Variants in RYR1 observed in about 807,000 individuals in gnomAD.
The protein encoded by RYR1 is ryanodine receptor 1.
Under a neutral mutation model 583.5 loss-of-function variants are expected in RYR1, and 342 were observed. The ratio of observed to expected loss-of-function variants is 0.59; its 90% CI spans 0.54 to 0.64. RYR1 has a LOEUF of 0.64. Among genes scored for constraint, RYR1 ranks in the 30% least tolerant of loss-of-function variants. RYR1 has a pLI of 0.00. For synonymous variants in RYR1, 2,791 were observed against 2,822.5 expected, an observed-to-expected ratio of 0.99 and a Z score of 0.35; for missense variants, 6,032 against 6,917.2, an observed-to-expected ratio of 0.87 and a Z score of 4.54.
Position 38,565,371 on chromosome 19 carries a change from C to G in RYR1, c.13037C>G (p.Ala4346Gly). Residue 4346 changes from alanine to glycine, a missense_variant, in exon 91 of 106, where the codon GCT (alanine) becomes GGT (glycine). Physicochemically the swap from Ala to Gly is moderately conservative, Grantham distance 60. Around this residue, in one of 11 missense-constraint regions of RYR1, gnomAD observed 753 missense variants for 759.6 expected, o/e 0.99. Transcript: ENST00000359596. The surrounding 1 kb of genome is among the most constrained non-coding windows in gnomAD (Gnocchi z 4.7). The stretch of plus-strand genomic sequence containing the variant: ...GCAGCAGTGACGCGCGCTGGGGCCG[C>G]TGGCGCGGGGGCGGCGGCGGGCGCG... ...LWAAVTRAGAAGAGAAAGALG... is the reference protein window; with the variant it reads ...LWAAVTRAGAGGAGAAAGALG... 2.3e-6 allele frequency: 3 copies of G among 1,328,042 alleles called. No homozygotes were observed. The highest frequency in any genetic ancestry group is 2.9e-6 in the Non-Finnish European group (3 of 1,049,340). The allele number at this position is 1,328,042 out of a possible 1,614,324, so 82.3% of individuals were successfully genotyped here.
At chr19:38,493,255 T>G (rs1169116276) in intron 38 of RYR1, among the ~76,000 whole-genome samples, 2 of 152,068 alleles carry the variant, frequency 1.3e-5, no homozygotes, top group East Asian at 3.9e-4. Context: ...TCTTTCTTGA[T>G]GAGAGGATTA....
intron 90 of RYR1, among the ~76,000 whole-genome samples, chr19:38,563,409 C>T (rs983325329): frequency 2.0e-5 from 3 of 152,224 alleles, no homozygotes; most frequent in Non-Finnish European, 2.9e-5. Context: ...AGATTACAGC[C>T]ATGTGCAACC....
At position 38,499,068 on chromosome 19, in the gene RYR1, G is replaced by A. The variant is rs1392400045; in HGVS notation, c.6892-40G>A. The A allele has an allele frequency of 2.5e-6, 4 of 1,610,044 alleles. No individual in the cohort carries two copies. The highest frequency in any genetic ancestry group is 3.3e-5 in the Admixed American group (2 of 59,860). ...AGGGCTGAGCCCCAGGAGGAAGGTG[G>A]CATGGGTCTGGTCTCTGACTGAGCC... On this transcript the variant is annotated intron_variant, in intron 42 of 105. Coordinates refer to ENST00000359596, the MANE Select transcript of RYR1 (RefSeq NM_000540.3). This position sits in a 1 kb window ranked among gnomAD's most constrained non-coding sequence, Gnocchi z 7.3.
chr19:38,545,305 T>G (rs567337784), intron 87 of RYR1, among the ~76,000 whole-genome samples: 4 of 152,154 alleles, frequency 2.6e-5, no homozygotes, highest in African/African-American at 9.6e-5. Flanking sequence ...GAATCATGGG[T>G]AGGCACAAAC....
chr19:38,454,275 GGTGA>G (rs1268493878), intron 13 of RYR1, among the ~76,000 whole-genome samples: 6 of 152,166 alleles, frequency 3.9e-5, no homozygotes, highest in African/African-American at 1.4e-4. Context: ...CCTGACCTCA[GGTGA>G]TCCACCCGCC....
intron 13 of RYR1, 133 bp downstream of exon 13, chr19:38,453,147 A>C (rs1362044768): frequency 4.5e-5 from 34 of 750,310 alleles, no homozygotes; most frequent in Non-Finnish European, 6.4e-5. Flanking sequence ...GGGGCGGGGC[A>C]GGAGAAGGAG....
At chr19:38,452,311 C>A (rs1600666420) in intron 12 of RYR1, among the ~76,000 whole-genome samples, 1 of 151,772 alleles carries the variant, frequency 6.6e-6, no homozygotes, top group South Asian at 2.1e-4. Context: ...TGTGGTGGCA[C>A]GTGCCTGTAG....
intron 78 of RYR1, among the ~76,000 whole-genome samples, 164 bp from the exon 79 acceptor site, chr19:38,534,556 G>C (rs563554291): frequency 2.6e-5 from 4 of 152,316 alleles, no homozygotes; most frequent in Admixed American, 6.5e-5. Context: ...CTAGGTACAG[G>C]AGATACATCG....
chr19:38,576,036 A>G, intron 97 of RYR1, 75 bp downstream of exon 97: 1 of 1,557,238 alleles, frequency 6.4e-7, no homozygotes, highest in Non-Finnish European at 8.9e-7. Context: ...CCTGCCAAGC[A>G]CTTGCTTGGT....
intron 66 of RYR1, among the ~76,000 whole-genome samples, chr19:38,518,089 A>C (rs1232191522): frequency 6.6e-6 from 1 of 152,124 alleles, no homozygotes; most frequent in Non-Finnish European, 1.5e-5. Context: ...ACTGTACTCC[A>C]GCCTGGGTGA....
At chr19:38,518,766 CA>C (rs1429634237) in intron 66 of RYR1, among the ~76,000 whole-genome samples, 3 of 151,890 alleles carry the variant, frequency 2.0e-5, no homozygotes, top group East Asian at 1.9e-4. Flanking sequence ...CCATCTCTAC[CA>C]AAAATACAAA....
rs575578497 is a variant in RYR1 at position 38,529,160 on chromosome 19, G to A, written c.11141+103G>A. ...TCAGGAGAGGCCCTCCAGGTCCTGG[G>A]GGAGCCCAAGACAGACGGATCTTTA... On this transcript the variant is annotated intron_variant, in intron 76 of 105. Transcript: ENST00000359596. The A allele has an allele frequency of 7.8e-6, 9 of 1,148,704 alleles. No individual in the cohort carries two copies. In the African/African-American group the frequency reaches 1.4e-4, roughly 17 times the overall value. 71.2% of individuals were successfully genotyped at this position (1,148,704 alleles called of 1,614,324 possible). A position where few individuals can be genotyped will look rare whatever the true frequency, so the allele number is the denominator to read the frequency against.
In RYR1 at chr19:38,477,822, G is replaced by C; in HGVS notation, c.4406G>C (p.Arg1469Pro). 6.2e-7 allele frequency: 1 copy of C among 1,613,896 alleles called. No homozygotes were observed. The highest frequency in any genetic ancestry group is 1.7e-5 in the Admixed American group (1 of 59,978). ...HDMSFDLSKV[R>P]VVTVTMGDEQ... is the part of the protein sequence containing the mutation. Reference sequence around the variant, plus strand: ...ATGAGCTTCGACCTCAGCAAGGTCCGGGTCGTGACGGTGACCATGGGGGAT... The same window carrying C: ...ATGAGCTTCGACCTCAGCAAGGTCCCGGTCGTGACGGTGACCATGGGGGAT... The change falls in exon 30 of 106, where the codon CGG becomes CCG. Residue 1469 changes from arginine to proline, a missense_variant. Arg to Pro is a moderately radical substitution (Grantham distance 103). Around this residue, in one of 11 missense-constraint regions of RYR1, gnomAD observed 2,627 missense variants for 2,961.3 expected, o/e 0.89. Coordinates refer to ENST00000359596, the MANE Select transcript of RYR1 (RefSeq NM_000540.3).
chr19:38,463,526 C>G lies in RYR1; in HGVS notation c.2681C>G (p.Pro894Arg), dbSNP rs758631999. 2.5e-6 allele frequency: 4 copies of G among 1,611,576 alleles called. No homozygotes were observed. The highest frequency in any genetic ancestry group is 3.4e-6 in the Non-Finnish European group (4 of 1,179,612). Residue 894 changes from proline to arginine, a missense_variant and splice_region_variant, in exon 21 of 106, where the codon CCG becomes CGG. Coordinates refer to ENST00000359596, the MANE Select transcript of RYR1 (RefSeq NM_000540.3). ...ATCGAGCAGGGCTGGACCTACGGCC[C>G]GGTGAGGGGCTGCCTGCAGCCTGCG... The part of the protein sequence containing the change: ...TRIEQGWTYG[P>R]VRDDNKRLHP...
intron 34 of RYR1, 108 bp from the exon 35 acceptor site, chr19:38,489,069 G>A (rs1456942323): frequency 3.1e-6 from 3 of 975,032 alleles, no homozygotes; most frequent in African/African-American, 1.6e-5. Flanking sequence ...ATCAGCCAAT[G>A]CAGGAATGAT....
intron 42 of RYR1, among the ~76,000 whole-genome samples, chr19:38,498,876 A>T (rs546179548): frequency 6.6e-6 from 1 of 152,138 alleles, no homozygotes; most frequent in East Asian, 1.9e-4. Context: ...TTGTTCTGTG[A>T]CTTAGAATGC....
chr19:38,501,125 CAA>C lies in RYR1; in HGVS notation c.7614+136_7614+137del, dbSNP rs1439853459. On this transcript the variant is annotated intron_variant, in intron 47 of 105. Transcript: ENST00000359596. ...ATATCATAATCCCCAATACCATCATCAAGATAGAAAATGAAAACGAAGAAACA... is the reference window on the plus strand; with the variant it reads ...ATATCATAATCCCCAATACCATCATCGATAGAAAATGAAAACGAAGAAACA... The C allele has an allele frequency of 4.8e-6, 4 of 832,482 alleles. No individual in the cohort carries two copies. The African/African-American group carries it at 6.8e-5, about 14-fold the overall frequency. 51.6% of individuals were successfully genotyped at this position (832,482 alleles called of 1,614,324 possible).
chr19:38,454,913 T>C (rs906795930), intron 13 of RYR1, among the ~76,000 whole-genome samples: 1 of 151,334 alleles, frequency 6.6e-6, no homozygotes, highest in Non-Finnish European at 1.5e-5. Flanking sequence ...GGGAGTGGGG[T>C]TCCTGGAAGT....
At chr19:38,525,273 G>A (rs1254960588) in intron 70 of RYR1, 59 bp from the exon 71 acceptor site, 1 of 1,608,952 alleles carries the variant, frequency 6.2e-7, no homozygotes, top group East Asian at 2.2e-5. Context: ...ATGGCCGCGG[G>A]TTGGGGCTGA....
Sources: gnomAD v4.1 joint callset for allele counts (sites outside exome capture counted in the v4.1 genomes callset) on GRCh38, gnomAD v4.1.1 for gene constraint, gnomAD v4.1.1 regional missense constraint, Gnocchi (gnomAD v3.1) non-coding constraint, MANE v1.5 for transcripts, NCBI Gene and HGNC (gene_info 2026-07-23, HGNC 2026-07-21) for gene names.